The following CNTN4 variants were observed in gnomAD, a reference collection of about 807,000 sequenced individuals.
The protein encoded by CNTN4 is contactin 4, also known as contactin-4.
CNTN4 carries 77 observed loss-of-function variants against 122.5 expected under a neutral mutation model. That is an observed-to-expected ratio of 0.63 (90% CI 0.52 to 0.76). CNTN4 has a LOEUF of 0.76. Ranked by LOEUF, CNTN4 falls within the 30% of genes least tolerant of loss-of-function variation. CNTN4 has a pLI of 0.00. For synonymous variants in CNTN4, 512 were observed against 447.0 expected, an observed-to-expected ratio of 1.15 and a Z score of -1.83; for missense variants, 1,256 against 1,259.1, an observed-to-expected ratio of 1.00 and a Z score of 0.04.
chr3:2,111,462 A>G (rs969227712), intron 2 of CNTN4, among the ~76,000 whole-genome samples: 1 of 152,166 alleles, frequency 6.6e-6, no homozygotes, highest in African/African-American at 2.4e-5. Context: ...CTCTTAAGAA[A>G]AGAAACATAA....
At chr3:2,947,035 C>T (rs2094686444) in intron 13 of CNTN4, among the ~76,000 whole-genome samples, 1 of 152,118 alleles carries the variant, frequency 6.6e-6, no homozygotes, top group African/African-American at 2.4e-5. Flanking sequence ...CAATACTTAT[C>T]CAGAGCTAAG....
intron 10 of CNTN4, among the ~76,000 whole-genome samples, chr3:2,890,385 G>C (rs182400908): frequency 6.6e-6 from 1 of 152,122 alleles, no homozygotes; most frequent in Non-Finnish European, 1.5e-5. Context: ...ATGATAAAAG[G>C]TGAGAAAGTA....
At chr3:2,965,036 A>G (rs1174026095) in intron 13 of CNTN4, among the ~76,000 whole-genome samples, 1 of 152,098 alleles carries the variant, frequency 6.6e-6, no homozygotes, top group Non-Finnish European at 1.5e-5. Context: ...GCCCTTCCCA[A>G]CTCCAGTGGT....
rs143784135 is a variant in CNTN4, at chr3:2,412,597, G to A, written c.-89+73364G>A. ...CAGATGGGTGTACCCACGTGGGGTT[G>A]TGGTTTGCTCTTCTAATTCTTATGC... On this transcript the variant is annotated intron_variant, in intron 3 of 24. Transcript: ENST00000418658. 5.5e-3 allele frequency among the ~76,000 whole-genome samples: 832 copies of A among 152,250 alleles called. 6 individuals carry two copies. Among genetic ancestry groups the A allele is most frequent in the African/African-American group, 0.019 (792 of 41,530 alleles).
intron 4 of CNTN4, among the ~76,000 whole-genome samples, chr3:2,642,209 A>G (rs1044224462): frequency 6.6e-5 from 10 of 152,322 alleles, no homozygotes; most frequent in African/African-American, 2.4e-4. Flanking sequence ...CTTGCAGTAC[A>G]ATGTTTGAAG....
At chr3:2,173,547 A>G (rs1354398307) in intron 2 of CNTN4, among the ~76,000 whole-genome samples, 1 of 152,172 alleles carries the variant, frequency 6.6e-6, no homozygotes, top group Middle Eastern at 3.2e-3. Flanking sequence ...CAAACTGTTA[A>G]TGGATAGAAA....
At chr3:2,526,106 C>G (rs2077388651) in intron 3 of CNTN4, among the ~76,000 whole-genome samples, 1 of 152,052 alleles carries the variant, frequency 6.6e-6, no homozygotes, top group Non-Finnish European at 1.5e-5. Context: ...ATAATCCCGC[C>G]CACCCTCCTA....
intron 3 of CNTN4, among the ~76,000 whole-genome samples, chr3:2,436,450 G>T (rs1445467882): frequency 6.6e-6 from 1 of 152,084 alleles, no homozygotes; most frequent in Non-Finnish European, 1.5e-5. Context: ...AGATGAGGAA[G>T]GACGTATAAT....
At chr3:2,574,822 T>C (rs2079587002) in intron 4 of CNTN4, among the ~76,000 whole-genome samples, 1 of 152,090 alleles carries the variant, frequency 6.6e-6, no homozygotes, top group African/African-American at 2.4e-5. Context: ...CTCTACTCCT[T>C]TGTGACAAGT....
intron 3 of CNTN4, among the ~76,000 whole-genome samples, chr3:2,435,108 A>C (rs2151233872): frequency 6.6e-6 from 1 of 152,326 alleles, no homozygotes; most frequent in Non-Finnish European, 1.5e-5. Context: ...TACTAAAGTG[A>C]ATATCCTGAA....
chr3:2,270,543 G>C (rs1049487854), intron 2 of CNTN4, among the ~76,000 whole-genome samples: 2 of 152,060 alleles, frequency 1.3e-5, no homozygotes, highest in Non-Finnish European at 2.9e-5. Context: ...ATGACCTGTG[G>C]GGCCCTACTT....
At chr3:2,923,073 TC>T (rs1559671671) in intron 12 of CNTN4, among the ~76,000 whole-genome samples, 1 of 152,250 alleles carries the variant, frequency 6.6e-6, no homozygotes, top group South Asian at 2.1e-4. Context: ...CTATTTCAAA[TC>T]CTGTAAAAGC....
chr3:2,309,061 G>C (rs1463403080), intron 2 of CNTN4, among the ~76,000 whole-genome samples: 6 of 152,018 alleles, frequency 3.9e-5, no homozygotes, highest in African/African-American at 7.2e-5. Flanking sequence ...GGATTTTGAA[G>C]CTTTTCAACT....
At chr3:2,767,866 C>A (rs1317202394) in intron 6 of CNTN4, among the ~76,000 whole-genome samples, 1 of 152,180 alleles carries the variant, frequency 6.6e-6, no homozygotes, top group African/African-American at 2.4e-5. Flanking sequence ...ACATAGCTCA[C>A]CTTCTCAGTA....
At chr3:2,519,642 G>A (rs2077141562) in intron 3 of CNTN4, among the ~76,000 whole-genome samples, 1 of 152,232 alleles carries the variant, frequency 6.6e-6, no homozygotes, top group African/African-American at 2.4e-5. Context: ...TCAGGCAATA[G>A]GGAGTCCACA....
intron 4 of CNTN4, among the ~76,000 whole-genome samples, chr3:2,625,308 A>G (rs574306459): frequency 6.6e-6 from 1 of 152,280 alleles, no homozygotes; most frequent in East Asian, 1.9e-4. Context: ...TGGCTTGTAT[A>G]TTCTATTCTA....
At chr3:3,021,051 A>C (rs1698248733) in intron 14 of CNTN4, among the ~76,000 whole-genome samples, 2 of 152,198 alleles carry the variant, frequency 1.3e-5, no homozygotes. Flanking sequence ...CTCCATGAGC[A>C]CTGAAATGCT....
intron 7 of CNTN4, among the ~76,000 whole-genome samples, chr3:2,839,815 C>T (rs1208574834): frequency 6.6e-6 from 1 of 152,204 alleles, no homozygotes; most frequent in African/African-American, 2.4e-5. Context: ...ACAGACCGAG[C>T]ACAGTGTATG....
At chr3:2,137,562 A>C (rs2034755957) in intron 2 of CNTN4, among the ~76,000 whole-genome samples, 2 of 152,144 alleles carry the variant, frequency 1.3e-5, no homozygotes, top group Non-Finnish European at 2.9e-5. Context: ...TCACTTGCTT[A>C]AGTTATATTT....
Sources: allele counts gnomAD v4.1 joint callset (sites outside exome capture counted in the v4.1 genomes callset), GRCh38; gene constraint gnomAD v4.1.1; transcripts MANE v1.5; gene names NCBI Gene and HGNC (gene_info 2026-07-23, HGNC 2026-07-21).